Variants in DAB1 observed in about 807,000 individuals in gnomAD.
DAB1 encodes DAB adaptor protein 1.
Under a neutral mutation model 64.6 loss-of-function variants are expected in DAB1, and 15 were observed. The observed-to-expected ratio is 0.23, with a 90% CI of 0.16 to 0.36. The LOEUF (loss-of-function observed/expected upper bound fraction) is 0.36, where lower values mean the gene tolerates loss of function less well. Among genes scored for constraint, DAB1 ranks in the 10% least tolerant of loss-of-function variants. The probability of loss-of-function intolerance (pLI) is 1.00; values close to 1 mark genes in which losing one functional copy is unlikely to be tolerated. For missense variants in DAB1, 596 were observed against 706.7 expected (o/e 0.84, Z 1.78); for synonymous variants, 235 against 251.9 (o/e 0.93, Z 0.64).
intron 3 of DAB1, among the ~76,000 whole-genome samples, chr1:58,499,314 CAAAAAAA>C (rs58217798): frequency 1.4e-5 from 1 of 69,742 alleles, no homozygotes; most frequent in Non-Finnish European, 2.8e-5. Flanking sequence ...CACATCTCTA[CAAAAAAA>C]AAAAAAAAAA....
rs147738294 is a variant in DAB1, at chr1:57,715,874, A to G, written n.552-66209T>C. On this transcript the variant is annotated intron_variant and non_coding_transcript_variant, in intron 6 of 20. Coordinates refer to the DAB1 transcript ENST00000485760. ...GTCCATATTACCCAAATCAATCTAC[A>G]GACTCAATGCAATTCCTATCAAAGT... Among the ~76,000 whole-genome samples the G allele has an allele frequency of 1.6e-3, 243 of 152,344 alleles. 1 individual carries two copies. Among genetic ancestry groups the G allele is most frequent in the African/African-American group, 5.7e-3 (239 of 41,580 alleles).
chr1:58,352,092 C>T (rs1197597970), intron 3 of DAB1, among the ~76,000 whole-genome samples: 4 of 151,848 alleles, frequency 2.6e-5, no homozygotes, highest in Non-Finnish European at 5.9e-5. Flanking sequence ...AAGGCCTGCT[C>T]AGGGCATCCT....
At chr1:58,524,383 G>A (rs533816083) in intron 2 of DAB1, among the ~76,000 whole-genome samples, 19 of 152,126 alleles carry the variant, frequency 1.2e-4, no homozygotes, top group East Asian at 3.9e-4. Flanking sequence ...ACCATCCTTC[G>A]CTGGCATTAA....
chr1:57,243,140 T>A (rs1344520734), intron 2 of DAB1, among the ~76,000 whole-genome samples: 3 of 152,202 alleles, frequency 2.0e-5, no homozygotes, highest in Non-Finnish European at 4.4e-5. Context: ...GCACTAATTA[T>A]CTACCCAGCT....
intron 5 of DAB1, among the ~76,000 whole-genome samples, chr1:57,941,347 G>C (rs1645101263): frequency 6.6e-6 from 1 of 152,172 alleles, no homozygotes; most frequent in South Asian, 2.1e-4. Flanking sequence ...TTAGGTTCTA[G>C]AGTCTCACTT....
rs548873944 is a variant in DAB1, at chr1:57,663,644, A to T, written n.552-13979T>A. On this transcript the variant is annotated intron_variant and non_coding_transcript_variant, in intron 6 of 20. Transcript: ENST00000485760. ...CCAATATTTTCTTATTTTTTTTTTTAAAAACCACAACCCATTGCTCAATGT... is the reference window on the plus strand; with the variant it reads ...CCAATATTTTCTTATTTTTTTTTTTTAAAACCACAACCCATTGCTCAATGT... 1.5e-4 allele frequency among the ~76,000 whole-genome samples: 22 copies of T among 151,664 alleles called. No individual in the cohort carries two copies. In the South Asian group the frequency reaches 1.7e-3, roughly 11 times the overall value.
chr1:57,985,113 G>A (rs2100355118), intron 5 of DAB1, among the ~76,000 whole-genome samples: 1 of 152,242 alleles, frequency 6.6e-6, no homozygotes, highest in African/African-American at 2.4e-5. Flanking sequence ...TCACCAGTTT[G>A]ACCAGGCTGA....
intron 4 of DAB1, among the ~76,000 whole-genome samples, chr1:58,337,275 C>CT (rs1663141204): frequency 6.9e-6 from 1 of 144,406 alleles, no homozygotes. Context: ...GAGCGAGACT[C>CT]TGTCTCAAAG....
rs562353933 is a variant in DAB1 at position 57,555,990 on chromosome 1, C to A, written n.625+93602G>T. Among the ~76,000 whole-genome samples the A allele has an allele frequency of 8.5e-5, 13 of 152,200 alleles. No homozygotes were observed. In the South Asian group the frequency reaches 2.5e-3, roughly 29 times the overall value. The stretch of plus-strand genomic sequence containing the variant: ...AACTATATATTTTGTGTCACAATAT[C>A]TTGGTTTCAGGTCCTAAACTTTTAT... On this transcript the variant is annotated intron_variant and non_coding_transcript_variant, in intron 7 of 20. Transcript: ENST00000485760.
chr1:57,567,198 C>T (rs1322915968), intron 7 of DAB1, among the ~76,000 whole-genome samples: 3 of 152,148 alleles, frequency 2.0e-5, no homozygotes, highest in African/African-American at 7.2e-5. Context: ...TCAATAGATG[C>T]AGAAAAGGCC....
intron 1 of DAB1, among the ~76,000 whole-genome samples, chr1:57,363,762 G>A (rs76484449): frequency 0.082 from 12,494 of 152,116 alleles, 575 homozygotes; most frequent in Middle Eastern, 0.12. Context: ...ACCAAGGGCT[G>A]GAGTTAACAA....
At chr1:57,606,061 T>C in intron 7 of DAB1, 1 of 573,892 alleles carries the variant, frequency 1.7e-6, no homozygotes, top group Non-Finnish European at 3.3e-6. Flanking sequence ...TCCTTTCCCT[T>C]TGATATTCTT....
intron 1 of DAB1, among the ~76,000 whole-genome samples, chr1:57,837,913 A>G (rs775933891): frequency 3.3e-5 from 5 of 151,144 alleles, no homozygotes; most frequent in East Asian, 1.9e-4. Context: ...CATCCTTAAT[A>G]TCATTATCAC....
In DAB1 at chr1:58,076,730, C is replaced by T. The variant is rs557707329; in HGVS notation, n.387+73781G>A. Among the ~76,000 whole-genome samples, 10 of 152,286 alleles carry T rather than the reference C, an allele frequency of 6.6e-5. No individual in the cohort carries two copies. In the South Asian group the frequency reaches 1.9e-3, roughly 28 times the overall value. ...TCATGTCAAGAATCATAAATAAACTCGAACAAATCTATTTCCCCTCCTCCT... is the reference window on the plus strand; with the variant it reads ...TCATGTCAAGAATCATAAATAAACTTGAACAAATCTATTTCCCCTCCTCCT... On this transcript the variant is annotated intron_variant and non_coding_transcript_variant, in intron 5 of 20. Transcript: ENST00000485760.
chr1:57,022,666 CA>C (rs1646657958), intron 11 of DAB1, among the ~76,000 whole-genome samples: 1 of 152,124 alleles, frequency 6.6e-6, no homozygotes, highest in African/African-American at 2.4e-5. Context: ...GAAAAAAATG[CA>C]AGAAGATTGG....
intron 3 of DAB1, among the ~76,000 whole-genome samples, chr1:58,448,861 G>A (rs1645101296): frequency 6.6e-6 from 1 of 152,172 alleles, no homozygotes; most frequent in Non-Finnish European, 1.5e-5. Context: ...AGTACAGCAG[G>A]GCTAAAGAAT....
rs1489029003 is a variant in DAB1 at position 57,038,993 on chromosome 1, CT to C, written c.724-12951del. On this transcript the variant is annotated intron_variant, in intron 9 of 14. Coordinates refer to ENST00000371236, the MANE Select transcript of DAB1 (RefSeq NM_001365792.1). ...AAGCCTCTGCCTCTGGATTCTTGGC[CT>C]TCTCAACTTTCATCTAATGTCAAGA... Among the ~76,000 whole-genome samples the C allele has an allele frequency of 3.3e-5, 5 of 152,298 alleles. 1 individual carries two copies. In the East Asian group the frequency reaches 9.7e-4, roughly 29 times the overall value.
intron 7 of DAB1, among the ~76,000 whole-genome samples, chr1:57,634,236 T>C (rs1338275218): frequency 6.6e-6 from 1 of 152,216 alleles, no homozygotes; most frequent in Non-Finnish European, 1.5e-5. Context: ...AGATTTAGCA[T>C]AGTACCTGGC....
At chr1:57,256,984 G>C (rs1265950178) in intron 2 of DAB1, among the ~76,000 whole-genome samples, 1 of 152,144 alleles carries the variant, frequency 6.6e-6, no homozygotes, top group African/African-American at 2.4e-5. Flanking sequence ...AGAATTTTAG[G>C]GTTGGCATTT....
Sources: allele counts gnomAD v4.1 joint callset (sites outside exome capture counted in the v4.1 genomes callset), GRCh38; gene constraint gnomAD v4.1.1; transcripts MANE v1.5; gene names NCBI Gene and HGNC (gene_info 2026-07-23, HGNC 2026-07-21).